Variants in C3orf33 observed in about 807,000 individuals in gnomAD.
C3orf33 encodes the protein AP-1 activity suppressor.
A neutral mutation model predicts 28.7 loss-of-function variants in C3orf33; 23 were observed. The ratio of observed to expected loss-of-function variants is 0.80; its 90% CI spans 0.58 to 1.13. The LOEUF is 1.13. Among genes scored for constraint, C3orf33 ranks in the 50% most tolerant of loss-of-function variants. The pLI is 0.00. For synonymous variants in C3orf33, 119 were observed against 120.5 expected, an observed-to-expected ratio of 0.99 and a Z score of 0.08; for missense variants, 327 against 353.4, an observed-to-expected ratio of 0.93 and a Z score of 0.60.
At chr3:155,766,966 A>G (rs1559987187) in intron 4 of C3orf33, among the ~76,000 whole-genome samples, 1 of 149,112 alleles carries the variant, frequency 6.7e-6, no homozygotes, top group Non-Finnish European at 1.5e-5. Flanking sequence ...TAATAATCAT[A>G]AACAATAGGC....
At chr3:155,790,296 C>T (rs977097534) in intron 2 of C3orf33, among the ~76,000 whole-genome samples, 20 of 148,512 alleles carry the variant, frequency 1.3e-4, no homozygotes, top group African/African-American at 4.4e-4. Flanking sequence ...GAGCAAAGAC[C>T]CAAACTCAAG....
intron 2 of C3orf33, among the ~76,000 whole-genome samples, chr3:155,798,994 T>C (rs1751562274): frequency 6.6e-6 from 1 of 152,130 alleles, no homozygotes; most frequent in Non-Finnish European, 1.5e-5. Flanking sequence ...AAAGAAGACA[T>C]ACAAATGGCA....
intron 4 of C3orf33, among the ~76,000 whole-genome samples, chr3:155,764,950 G>A (rs1414895204): frequency 1.3e-5 from 2 of 152,146 alleles, no homozygotes; most frequent in Non-Finnish European, 2.9e-5. Context: ...ATAAAATTTT[G>A]TTCCTTCAAA....
intron 2 of C3orf33, among the ~76,000 whole-genome samples, chr3:155,790,746 C>T (rs890630917): frequency 6.6e-6 from 1 of 152,098 alleles, no homozygotes; most frequent in African/African-American, 2.4e-5. Context: ...AAAACTGAGC[C>T]GGGGCCCACA....
chr3:155,788,467 G>A (rs913921106), intron 2 of C3orf33, among the ~76,000 whole-genome samples: 2 of 151,806 alleles, frequency 1.3e-5, no homozygotes, highest in South Asian at 2.1e-4. Flanking sequence ...GGTGGATCAC[G>A]AGGTCAAGAG....
intron 2 of C3orf33, among the ~76,000 whole-genome samples, chr3:155,800,138 GATT>G (rs1751597191): frequency 6.6e-6 from 1 of 152,092 alleles, no homozygotes; most frequent in South Asian, 2.1e-4. Context: ...ACTCTGATGT[GATT>G]ATTATGGACT....
intron 2 of C3orf33, among the ~76,000 whole-genome samples, chr3:155,800,610 C>CAAA (rs58092818): frequency 0.016 from 249 of 15,638 alleles, 47 homozygotes; most frequent in African/African-American, 0.037. Flanking sequence ...ACCTTATCTC[C>CAAA]AAAAAAAAAA....
intron 2 of C3orf33, among the ~76,000 whole-genome samples, chr3:155,782,514 G>C (rs2109264994): frequency 6.6e-6 from 1 of 152,304 alleles, no homozygotes; most frequent in African/African-American, 2.4e-5. Flanking sequence ...GAAGCAATTT[G>C]TCACATAAAA....
chr3:155,802,427 C>T (rs953834455), intron 2 of C3orf33, 105 bp downstream of exon 2: 11 of 798,828 alleles, frequency 1.4e-5, no homozygotes, highest in African/African-American at 1.2e-4. Flanking sequence ...TTAAAAGCTA[C>T]CAATACGAGT....
At chr3:155,796,944 A>G (rs1299549289) in intron 2 of C3orf33, among the ~76,000 whole-genome samples, 1 of 152,218 alleles carries the variant, frequency 6.6e-6, no homozygotes, top group Admixed American at 6.5e-5. Flanking sequence ...TAATCCCAGT[A>G]CTTTGGGAGG....
At chr3:155,768,947 G>A (rs1750493117) in intron 3 of C3orf33, among the ~76,000 whole-genome samples, 1 of 151,918 alleles carries the variant, frequency 6.6e-6, no homozygotes, top group Non-Finnish European at 1.5e-5. Context: ...AGGCCAAGGT[G>A]GGTGGATCAC....
In C3orf33 at chr3:155,772,772, CTGTGTGTGTG is replaced by C. The variant is rs60966459; in HGVS notation, c.322+2919_322+2928del. Among the ~76,000 whole-genome samples the C allele has an allele frequency of 2.6e-3, 368 of 142,200 alleles. 1 individual carries two copies. The highest frequency in any genetic ancestry group is 3.6e-3 in the Middle Eastern group (1 of 278). 93.3% of individuals were successfully genotyped at this position (142,200 alleles called of 152,430 possible). On this transcript the variant is annotated intron_variant, in intron 3 of 4. Transcript: ENST00000340171. ...TTTCAGTTCATAAAATTTTTAGGCT[CTGTGTGTGTG>C]TGTGTGTGTGTGTGTGTGTGTGTGT...
intron 3 of C3orf33, among the ~76,000 whole-genome samples, chr3:155,769,124 C>T (rs1249494553): frequency 6.6e-6 from 1 of 152,050 alleles, no homozygotes; most frequent in Non-Finnish European, 1.5e-5. Flanking sequence ...ACAAGCCTGA[C>T]CAACATGGTG....
chr3:155,787,316 A>G (rs567309929), intron 2 of C3orf33, among the ~76,000 whole-genome samples: 18 of 148,622 alleles, frequency 1.2e-4, no homozygotes, highest in Non-Finnish European at 2.1e-4. Flanking sequence ...CTCCCACCTC[A>G]GCCTCCTGAG....
At chr3:155,792,700 A>G (rs540564884) in intron 2 of C3orf33, among the ~76,000 whole-genome samples, 5 of 152,256 alleles carry the variant, frequency 3.3e-5, no homozygotes, top group African/African-American at 1.2e-4. Flanking sequence ...ATATTGAAGA[A>G]TGCATCAGAG....
At chr3:155,775,982 A>G (rs1750735536) in intron 2 of C3orf33, 134 bp from the exon 3 acceptor site, 1 of 598,402 alleles carries the variant, frequency 1.7e-6, no homozygotes, top group Admixed American at 3.5e-5. Context: ...CTAATTTTAT[A>G]TTACTTTAAT....
rs142571619 is a variant in C3orf33, at chr3:155,800,599, G to C, written c.174+1933C>G. Among the ~76,000 whole-genome samples the C allele has an allele frequency of 4.8e-3, 365 of 75,720 alleles. 5 individuals are homozygous for C. The highest frequency in any genetic ancestry group is 0.016 in the African/African-American group (347 of 21,954). The allele number at this position is 75,720 out of a possible 152,430, so 49.7% of individuals were successfully genotyped here. On this transcript the variant is annotated intron_variant, in intron 2 of 4. Transcript: ENST00000340171. Reference sequence around the variant, plus strand: ...CACTCTAGCCTGGTCAACAGAGTGAGACCTTATCTCCAAAAAAAAAAAAAA... The same window carrying C: ...CACTCTAGCCTGGTCAACAGAGTGACACCTTATCTCCAAAAAAAAAAAAAA...
intron 2 of C3orf33, among the ~76,000 whole-genome samples, chr3:155,797,264 A>G (rs983326151): frequency 8.5e-5 from 13 of 152,328 alleles, no homozygotes; most frequent in East Asian, 3.9e-4. Context: ...ACATTCCTTC[A>G]TGATAAAACC....
Position 155,763,357 on chromosome 3 carries a change from A to G in C3orf33, c.*160T>C, listed in dbSNP as rs532385852. On this transcript the variant is annotated 3_prime_UTR_variant, in exon 5 of 5. Transcript: ENST00000340171. ...TTATAATTTGTTTAAATTAATTCTG[A>G]CATTATGCTTATAATAATCATCTCT... The G allele has an allele frequency of 1.7e-5, 8 of 463,342 alleles. No individual in the cohort carries two copies. In the South Asian group the frequency reaches 6.0e-4, roughly 35 times the overall value. 28.7% of individuals were successfully genotyped at this position (463,342 alleles called of 1,614,324 possible). A position where few individuals can be genotyped will look rare whatever the true frequency, so the allele number is the denominator to read the frequency against.
Sources: gnomAD v4.1 joint callset for allele counts (sites outside exome capture counted in the v4.1 genomes callset) on GRCh38, gnomAD v4.1.1 for gene constraint, MANE v1.5 for transcripts, NCBI Gene and HGNC (gene_info 2026-07-23, HGNC 2026-07-21) for gene names.